RAPGEF2: variants seen among roughly 807,000 people sequenced by gnomAD.
RAPGEF2 encodes the protein Rap guanine nucleotide exchange factor 2, also known as PDZ domain containing guanine nucleotide exchange factor (GEF) 1.
In RAPGEF2, 54 loss-of-function variants were observed where a neutral mutation model predicts 186.7. The ratio of observed to expected loss-of-function variants is 0.29; its 90% CI spans 0.23 to 0.36. The LOEUF (loss-of-function observed/expected upper bound fraction) is 0.36. Ranked by LOEUF, RAPGEF2 falls within the 10% of genes least tolerant of loss-of-function variation. The pLI, the probability that RAPGEF2 is intolerant of heterozygous loss-of-function variation, is 1.00. For synonymous variants in RAPGEF2, 712 were observed against 705.9 expected (o/e 1.01, Z -0.14); for missense variants, 1,532 against 2,045.0 (o/e 0.75, Z 4.84).
chr4:159,274,309 A>T (rs1364639813), intron 7 of RAPGEF2, among the ~76,000 whole-genome samples: 2 of 152,154 alleles, frequency 1.3e-5, no homozygotes, highest in Non-Finnish European at 2.9e-5. Context: ...CATTACTGTC[A>T]TGTCTGTAGT....
In RAPGEF2 at chr4:159,114,162, A is replaced by G. The variant is rs114873916; in HGVS notation, c.69+9931A>G. ...TCTTTGAGATGGAGAATGCAGTGGC[A>G]CGATCTCAGCCATTCCCAGCAACCT... On this transcript the variant is annotated intron_variant, in intron 1 of 29. Coordinates refer to ENST00000691494, the MANE Select transcript of RAPGEF2 (RefSeq NM_001394067.2). 8.3e-3 allele frequency among the ~76,000 whole-genome samples: 1,227 copies of G among 146,998 alleles called. 21 individuals are homozygous for G. The highest frequency in any genetic ancestry group is 0.029 in the African/African-American group (1,164 of 39,580).
At chr4:159,242,783 G>A (rs919774244) in intron 6 of RAPGEF2, among the ~76,000 whole-genome samples, 1 of 151,964 alleles carries the variant, frequency 6.6e-6, no homozygotes, top group Non-Finnish European at 1.5e-5. Context: ...ATTAAAAATA[G>A]TTATACATAT....
At position 159,278,999 on chromosome 4, in the gene RAPGEF2, G is replaced by T. The variant is rs148731098; in HGVS notation, c.544-25343G>T. Among the ~76,000 whole-genome samples the T allele has an allele frequency of 2.2e-4, 33 of 152,268 alleles. No individual in the cohort carries two copies. In the East Asian group the frequency reaches 6.4e-3, roughly 29 times the overall value. On this transcript the variant is annotated intron_variant, in intron 7 of 29. Coordinates refer to ENST00000691494, the MANE Select transcript of RAPGEF2 (RefSeq NM_001394067.2). ...CTTTCCTTTAGGTGACTGTCCTTAA[G>T]TTGGTTTGCCTTTTCCATCCCCTAC...
intron 3 of RAPGEF2, among the ~76,000 whole-genome samples, chr4:159,197,507 T>C (rs1347597502): frequency 2.0e-5 from 3 of 152,238 alleles, no homozygotes; most frequent in African/African-American, 7.2e-5. Context: ...GAATGACTGC[T>C]TTGGTTTCCA....
At chr4:159,150,499 A>C (rs1296953329) in intron 1 of RAPGEF2, among the ~76,000 whole-genome samples, 1 of 152,158 alleles carries the variant, frequency 6.6e-6, no homozygotes. Flanking sequence ...GCACTTCAGC[A>C]TTTTGTTTGG....
intron 8 of RAPGEF2, 48 bp downstream of exon 8, chr4:159,304,521 A>G (rs1170999107): frequency 6.5e-7 from 1 of 1,527,804 alleles, no homozygotes; most frequent in African/African-American, 1.4e-5. Context: ...ATTTATTCCA[A>G]GAAATTTTAA....
intron 7 of RAPGEF2, among the ~76,000 whole-genome samples, chr4:159,281,188 C>T (rs1452022141): frequency 6.6e-6 from 1 of 151,768 alleles, no homozygotes; most frequent in East Asian, 2.0e-4. Flanking sequence ...GATGGGGTTT[C>T]ACCATGTTGG....
chr4:159,176,655 GAA>G (rs1209392513), intron 1 of RAPGEF2, among the ~76,000 whole-genome samples: 1 of 152,084 alleles, frequency 6.6e-6, no homozygotes, highest in African/African-American at 2.4e-5. Flanking sequence ...ATCCACAGAT[GAA>G]AAAATATCCA....
At chr4:159,251,153 G>A (rs1003235581) in intron 7 of RAPGEF2, among the ~76,000 whole-genome samples, 39 of 152,204 alleles carry the variant, frequency 2.6e-4, no homozygotes, top group Non-Finnish European at 5.1e-4. Flanking sequence ...TTCTCGCCAG[G>A]CCTCAGCCAC....
At chr4:159,182,386 C>CTTCTTTTTTTT (rs1747099915) in intron 1 of RAPGEF2, among the ~76,000 whole-genome samples, 1 of 85,690 alleles carries the variant, frequency 1.2e-5, no homozygotes, top group African/African-American at 4.4e-5. Flanking sequence ...TTCTTTTCTT[C>CTTCTTTTTTTT]TTTTTTTTTT....
At chr4:159,181,907 G>T (rs548081924) in intron 1 of RAPGEF2, among the ~76,000 whole-genome samples, 27 of 152,220 alleles carry the variant, frequency 1.8e-4, no homozygotes, top group Admixed American at 1.4e-3. Flanking sequence ...AAACAAGAAT[G>T]GTGAACTTTA....
At chr4:159,115,786 C>G (rs1025266122) in intron 1 of RAPGEF2, among the ~76,000 whole-genome samples, 1 of 152,136 alleles carries the variant, frequency 6.6e-6, no homozygotes, top group Non-Finnish European at 1.5e-5. Flanking sequence ...GACCACACAC[C>G]TACAACCATC....
At position 159,302,934 on chromosome 4, in the gene RAPGEF2, T is replaced by A. The variant is rs1762848819; in HGVS notation, c.544-1408T>A. ...GATAGGTTTGCGATTATTTCACTTC[T>A]CCAAGCTCCCTCAACAAATGAATTT... On this transcript the variant is annotated intron_variant, in intron 7 of 29. Transcript: ENST00000691494. Among the ~76,000 whole-genome samples, 3 of 152,104 alleles carry A rather than the reference T, an allele frequency of 2.0e-5. No individual in the cohort carries two copies. The East Asian group carries it at 5.8e-4, about 29-fold the overall frequency.
At chr4:159,245,175 A>C (rs1296105264) in intron 7 of RAPGEF2, among the ~76,000 whole-genome samples, 1 of 152,052 alleles carries the variant, frequency 6.6e-6, no homozygotes, top group African/African-American at 2.4e-5. Flanking sequence ...GCAGTAGTTT[A>C]AAGTGGATTA....
intron 1 of RAPGEF2, among the ~76,000 whole-genome samples, chr4:159,148,566 G>A (rs1203805237): frequency 6.6e-6 from 1 of 151,872 alleles, no homozygotes; most frequent in Non-Finnish European, 1.5e-5. Context: ...CACATATGGT[G>A]GTCCATGTTT....
intron 7 of RAPGEF2, among the ~76,000 whole-genome samples, chr4:159,293,686 A>G (rs1311066442): frequency 2.0e-5 from 3 of 152,254 alleles, no homozygotes; most frequent in Non-Finnish European, 4.4e-5. Context: ...TGGTTCAAAC[A>G]CAGTAGACTT....
chr4:159,105,462 T>C (rs1017439669), intron 1 of RAPGEF2, among the ~76,000 whole-genome samples: 1 of 152,234 alleles, frequency 6.6e-6, no homozygotes, highest in Non-Finnish European at 1.5e-5. Flanking sequence ...GTACCGTTTT[T>C]GATTTTTCAT....
chr4:159,216,474 T>A (rs1217381392), intron 4 of RAPGEF2, among the ~76,000 whole-genome samples: 1 of 152,014 alleles, frequency 6.6e-6, no homozygotes, highest in Non-Finnish European at 1.5e-5. Context: ...AATGTGGACA[T>A]GATAAAGAAC....
intron 4 of RAPGEF2, among the ~76,000 whole-genome samples, chr4:159,236,967 CAA>C (rs764967398): frequency 6.6e-6 from 1 of 152,044 alleles, no homozygotes; most frequent in Admixed American, 6.5e-5. Flanking sequence ...ATATGAATAT[CAA>C]AAAATTTTTT....
Sources: gnomAD v4.1 joint callset for allele counts (sites outside exome capture counted in the v4.1 genomes callset) on GRCh38, gnomAD v4.1.1 for gene constraint, MANE v1.5 for transcripts, NCBI Gene and HGNC (gene_info 2026-07-23, HGNC 2026-07-21) for gene names.